The following GALNT2 variants were observed in gnomAD, a reference collection of about 807,000 sequenced individuals.
The protein encoded by GALNT2 is UDP-GalNAc:polypeptide N-acetylgalactosaminyltransferase 2.
Under a neutral mutation model 81.4 loss-of-function variants are expected in GALNT2, and 31 were observed. The observed-to-expected ratio is 0.38, with a 90% CI of 0.29 to 0.51. The LOEUF (loss-of-function observed/expected upper bound fraction) is 0.51, where lower values mean the gene tolerates loss of function less well. Among genes scored for constraint, GALNT2 ranks in the 20% least tolerant of loss-of-function variants. GALNT2 has a pLI of 0.87. For synonymous variants in GALNT2, 303 were observed against 287.4 expected (o/e 1.05, Z -0.55); for missense variants, 629 against 765.7 (o/e 0.82, Z 2.11).
At chr1:230,084,395 G>T (rs1463570934) in intron 1 of GALNT2, among the ~76,000 whole-genome samples, 1 of 152,200 alleles carries the variant, frequency 6.6e-6, no homozygotes, top group Non-Finnish European at 1.5e-5. Context: ...AGAAGATCCT[G>T]TGCAGAGATC....
chr1:230,083,303 A>C (rs1025121528), intron 1 of GALNT2, among the ~76,000 whole-genome samples: 14 of 135,184 alleles, frequency 1.0e-4, no homozygotes, highest in African/African-American at 4.0e-4. Flanking sequence ...GCAGGCAGCC[A>C]GGATGATGGA....
At chr1:230,188,252 C>G (rs1218364879) in intron 2 of GALNT2, among the ~76,000 whole-genome samples, 1 of 152,212 alleles carries the variant, frequency 6.6e-6, no homozygotes, top group African/African-American at 2.4e-5. Flanking sequence ...GTCACAAAAA[C>G]CCAGATTATT....
chr1:230,105,252 C>T (rs1365807296), intron 1 of GALNT2, among the ~76,000 whole-genome samples: 1 of 152,142 alleles, frequency 6.6e-6, no homozygotes, highest in East Asian at 1.9e-4. Flanking sequence ...AACAGGTTCC[C>T]AGGGTTATTG....
rs968430753 is a variant in GALNT2, at chr1:230,135,696, T to TCTTTCC, written c.127-42509_127-42504dup. 1.4e-4 allele frequency among the ~76,000 whole-genome samples: 21 copies of TCTTTCC among 152,198 alleles called. No homozygotes were observed. In the East Asian group the frequency reaches 1.7e-3, roughly 13 times the overall value. On this transcript the variant is annotated intron_variant, in intron 1 of 15. Coordinates refer to ENST00000366672, the MANE Select transcript of GALNT2 (RefSeq NM_004481.5). The stretch of plus-strand genomic sequence containing the variant: ...CACTTGAGGGATCTCAGATGAATGC[T>TCTTTCC]CTTTCCCTTTCCCTTTCCTTGAGAC...
intron 1 of GALNT2, among the ~76,000 whole-genome samples, chr1:230,079,164 T>A (rs776165349): frequency 1.1e-3 from 161 of 152,382 alleles, no homozygotes; most frequent in Non-Finnish European, 1.8e-3. Context: ...CTTTTGGTTC[T>A]CCCAACAAGA....
At chr1:230,167,528 A>G (rs1196708887) in intron 1 of GALNT2, among the ~76,000 whole-genome samples, 1 of 152,220 alleles carries the variant, frequency 6.6e-6, no homozygotes, top group African/African-American at 2.4e-5. Context: ...CATGGGAAGG[A>G]TTTAACCAGG....
At chr1:230,262,779 G>T (rs1425681999) in intron 12 of GALNT2, 114 bp downstream of exon 12, 14 of 1,307,796 alleles carry the variant, frequency 1.1e-5, no homozygotes, top group Non-Finnish European at 1.5e-5. Context: ...AAGGCGGGAA[G>T]GGGTTGTGGG....
At chr1:230,203,419 A>C in intron 3 of GALNT2, 129 bp downstream of exon 3, 1 of 1,120,756 alleles carries the variant, frequency 8.9e-7, no homozygotes, top group Non-Finnish European at 1.3e-6. Flanking sequence ...AAAACTAGGA[A>C]AAATCCTGAG....
chr1:230,191,605 G>A (rs545281125), intron 2 of GALNT2, among the ~76,000 whole-genome samples: 1 of 152,156 alleles, frequency 6.6e-6, no homozygotes, highest in Non-Finnish European at 1.5e-5. Flanking sequence ...TCAAAGTCCT[G>A]GGCTTAAGCA....
At chr1:230,267,071 C>A (rs540909814) in intron 14 of GALNT2, among the ~76,000 whole-genome samples, 8 of 152,266 alleles carry the variant, frequency 5.3e-5, no homozygotes, top group African/African-American at 1.9e-4. Context: ...CTCCTGATTC[C>A]CGGGCTCAGT....
rs1042031290 is a variant in GALNT2, at chr1:230,243,589, C to G, written c.729+162C>G. On this transcript the variant is annotated intron_variant, in intron 7 of 15. Coordinates refer to ENST00000366672, the MANE Select transcript of GALNT2 (RefSeq NM_004481.5). This position sits in a 1 kb window ranked among gnomAD's most constrained non-coding sequence, Gnocchi z 4.2. ...GTTTTCCTTGATAGAAGGAAAATGC[C>G]TTTGGGGCATTGTAGAAAGACTGTT... Among the ~76,000 whole-genome samples the G allele has an allele frequency of 1.3e-5, 2 of 152,156 alleles. No individual in the cohort carries two copies. Among genetic ancestry groups the G allele is most frequent in the African/African-American group, 4.8e-5 (2 of 41,420 alleles).
rs1028727497 is a variant in GALNT2, at chr1:230,271,760, G to A, written c.1441-2685G>A. ...GGAGGTGGGGTGTTGGAGCTTCCAC[G>A]CCCTCTCCAGGTGTGCCGCTCTCCC... On this transcript the variant is annotated intron_variant, in intron 14 of 15. Coordinates refer to ENST00000366672, the MANE Select transcript of GALNT2 (RefSeq NM_004481.5). This position sits in a 1 kb window ranked among gnomAD's most constrained non-coding sequence, Gnocchi z 4.2. 6.6e-6 allele frequency among the ~76,000 whole-genome samples: 1 copy of A among 152,200 alleles called. No individual in the cohort carries two copies. Among genetic ancestry groups the A allele is most frequent in the African/African-American group, 2.4e-5 (1 of 41,454 alleles).
intron 1 of GALNT2, among the ~76,000 whole-genome samples, chr1:230,166,380 C>T (rs746847823): frequency 6.6e-6 from 1 of 152,250 alleles, no homozygotes; most frequent in Non-Finnish European, 1.5e-5. Context: ...ACACATTTTG[C>T]ATGGTGTGCC....
rs1442363819 is a variant in GALNT2 at position 230,200,452 on chromosome 1, C to T, written c.221-2685C>T. On this transcript the variant is annotated intron_variant, in intron 2 of 15. Coordinates refer to ENST00000366672, the MANE Select transcript of GALNT2 (RefSeq NM_004481.5). ...GGTCACGGGCCTGTGTGTGCTTATTCTCCCTGCAGGATCTAGCATGACACC... is the reference window on the plus strand; with the variant it reads ...GGTCACGGGCCTGTGTGTGCTTATTTTCCCTGCAGGATCTAGCATGACACC... Among the ~76,000 whole-genome samples, 4 of 152,220 alleles carry T rather than the reference C, an allele frequency of 2.6e-5. No individual in the cohort carries two copies. The South Asian group carries it at 6.2e-4, about 24-fold the overall frequency.
intron 2 of GALNT2, among the ~76,000 whole-genome samples, chr1:230,195,636 A>T (rs181192057): frequency 6.4e-4 from 98 of 152,248 alleles, no homozygotes; most frequent in Non-Finnish European, 1.3e-3. Context: ...CTTTAGTAAG[A>T]GTTCCCAGGT....
At chr1:230,187,577 G>A (rs1263656753) in intron 2 of GALNT2, among the ~76,000 whole-genome samples, 1 of 152,218 alleles carries the variant, frequency 6.6e-6, no homozygotes, top group Non-Finnish European at 1.5e-5. Flanking sequence ...GTCCACAGAT[G>A]ACTTAAGTGT....
At chr1:230,220,125 A>C (rs1664502012) in intron 3 of GALNT2, among the ~76,000 whole-genome samples, 1 of 152,222 alleles carries the variant, frequency 6.6e-6, no homozygotes, top group South Asian at 2.1e-4. Context: ...CCTTGTACTC[A>C]AACACACTAA....
In GALNT2 at chr1:230,111,067, T is replaced by C. The variant is rs915941067; in HGVS notation, c.126+43661T>C. ...GCATGCATATTTGTGTGTGTGTACA[T>C]ACATATGTACACACTGCATGTGTCT... is the stretch of plus-strand genomic sequence containing the variant. On this transcript the variant is annotated intron_variant, in intron 1 of 15. Transcript: ENST00000366672. 4.6e-5 allele frequency among the ~76,000 whole-genome samples: 7 copies of C among 152,222 alleles called. No individual in the cohort carries two copies. The East Asian group carries it at 1.3e-3, about 29-fold the overall frequency.
intron 1 of GALNT2, among the ~76,000 whole-genome samples, chr1:230,122,617 TGTGTGTGTGTGTGTGCATGTACATAC>T (rs1347619959): frequency 1.8e-5 from 1 of 56,618 alleles, no homozygotes; most frequent in African/African-American, 5.3e-5. Flanking sequence ...GGTGGCTCTG[TGTGTGTGTGTGTGTGCATGTACATAC>T]GTGTGTGTGT....
Sources: gnomAD v4.1 joint callset for allele counts (sites outside exome capture counted in the v4.1 genomes callset) on GRCh38, gnomAD v4.1.1 for gene constraint, Gnocchi (gnomAD v3.1) non-coding constraint, MANE v1.5 for transcripts, NCBI Gene and HGNC (gene_info 2026-07-23, HGNC 2026-07-21) for gene names.